Variants in MTA3 observed in about 807,000 individuals in gnomAD.
The protein encoded by MTA3 is metastasis-associated protein MTA3.
Under a neutral mutation model 83.5 loss-of-function variants are expected in MTA3, and 34 were observed. The observed-to-expected ratio is 0.41, with a 90% confidence interval of 0.31 to 0.54. MTA3 has a LOEUF of 0.54. Ranked by LOEUF, MTA3 falls within the 20% of genes least tolerant of loss-of-function variation. The pLI is 0.33. For synonymous variants in MTA3, 303 were observed against 252.7 expected (o/e 1.20, Z -1.89); for missense variants, 761 against 726.4 (o/e 1.05, Z -0.55).
chr2:42,563,296 G>A (rs1396136154), intron 2 of MTA3, among the ~76,000 whole-genome samples: 1 of 152,124 alleles, frequency 6.6e-6, no homozygotes, highest in Non-Finnish European at 1.5e-5. Flanking sequence ...AGCCTCCCAA[G>A]TAGCTGGGAT....
At chr2:42,512,115 GT>G (rs1473684913) in intron 2 of MTA3, among the ~76,000 whole-genome samples, 1 of 150,996 alleles carries the variant, frequency 6.6e-6, no homozygotes, top group Non-Finnish European at 1.5e-5. Flanking sequence ...GACTGGGAGG[GT>G]TTTTTTCTTT....
chr2:42,530,413 G>T (rs1290486095), intron 2 of MTA3, among the ~76,000 whole-genome samples: 1 of 152,014 alleles, frequency 6.6e-6, no homozygotes, highest in Non-Finnish European at 1.5e-5. Flanking sequence ...CGTGAACCCA[G>T]GAGGCGGAGC....
intron 9 of MTA3, among the ~76,000 whole-genome samples, chr2:42,686,456 G>C (rs990840946): frequency 2.6e-5 from 4 of 152,154 alleles, no homozygotes; most frequent in African/African-American, 9.6e-5. Context: ...GGAGTCCGAG[G>C]CAGGAGGATC....
chr2:42,583,495 A>T (rs962862978), intron 3 of MTA3, among the ~76,000 whole-genome samples: 5 of 152,098 alleles, frequency 3.3e-5, no homozygotes, highest in African/African-American at 1.2e-4. Context: ...AATTTTCCTG[A>T]ACTTTAGTTT....
At chr2:42,714,550 C>G (rs1449762396) in intron 14 of MTA3, among the ~76,000 whole-genome samples, 1 of 152,034 alleles carries the variant, frequency 6.6e-6, no homozygotes, top group Admixed American at 6.5e-5. Flanking sequence ...ATCTCACTGC[C>G]CCCAGTATTT....
chr2:42,578,476 G>C (rs1469126533), intron 2 of MTA3, among the ~76,000 whole-genome samples: 1 of 152,202 alleles, frequency 6.6e-6, no homozygotes, highest in Admixed American at 6.5e-5. Flanking sequence ...TTTTAGATGT[G>C]AAGGTAAACT....
intron 2 of MTA3, among the ~76,000 whole-genome samples, chr2:42,571,084 C>G (rs1678423994): frequency 6.6e-6 from 1 of 151,488 alleles, no homozygotes; most frequent in African/African-American, 2.4e-5. Flanking sequence ...ACTTTCAGTC[C>G]CAGACTCTTT....
chr2:42,590,620 T>C (rs947928716), intron 3 of MTA3, among the ~76,000 whole-genome samples: 3 of 57,694 alleles, frequency 5.2e-5, no homozygotes, highest in Non-Finnish European at 1.0e-4. Flanking sequence ...TTGCTTTTTT[T>C]TTTTTTTTTT....
chr2:42,697,783 T>A lies in MTA3; in HGVS notation c.974T>A (p.Leu325Gln). ...TTDRYVQQKR[L>Q]KAAEAESKLK... ...ATTCATCTTTTGAATTAGAAACGTC[T>A]AAAAGCAGCAGAAGCTGAGAGTAAA... is the stretch of plus-strand genomic sequence containing the variant. Residue 325 changes from leucine to glutamine, a missense_variant, in exon 11 of 17, where the codon CTA becomes CAA. Physicochemically the swap from Leu to Gln is moderately radical, Grantham distance 113. Transcript: ENST00000405094. 1 of 1,542,994 alleles carries A rather than the reference T, an allele frequency of 6.5e-7. No individual in the cohort carries two copies. The highest frequency in any genetic ancestry group is 8.7e-7 in the Non-Finnish European group (1 of 1,145,180).
chr2:42,568,842 C>T, intron 1 of MTA3, 69 bp downstream of exon 1: 2 of 1,204,936 alleles, frequency 1.7e-6, no homozygotes, highest in Admixed American at 4.4e-5. Flanking sequence ...GGGGCGAGTG[C>T]ACGCCAACTG....
chr2:42,626,344 C>T (rs932637205), intron 4 of MTA3, among the ~76,000 whole-genome samples: 2 of 151,708 alleles, frequency 1.3e-5, no homozygotes, highest in Non-Finnish European at 2.9e-5. Flanking sequence ...GTCACCCAGG[C>T]TGGAGTGCAG....
intron 3 of MTA3, among the ~76,000 whole-genome samples, chr2:42,604,722 A>T (rs1162788292): frequency 2.1e-5 from 3 of 141,170 alleles, no homozygotes; most frequent in Admixed American, 7.1e-5. Flanking sequence ...TAGGCAGAGG[A>T]CCCTGCGGCC....
At chr2:42,667,571 T>TAA (rs139519426) in intron 8 of MTA3, among the ~76,000 whole-genome samples, 1 of 2,730 alleles carries the variant, frequency 3.7e-4, no homozygotes, top group Non-Finnish European at 9.0e-4. Flanking sequence ...ATTTAAAAAT[T>TAA]GTGTGTGTGT....
chr2:42,551,835 C>A (rs1237962840), intron 2 of MTA3, among the ~76,000 whole-genome samples: 1 of 151,916 alleles, frequency 6.6e-6, no homozygotes, highest in African/African-American at 2.4e-5. Context: ...TGAAGCAATT[C>A]TCTGCCTCAG....
At chr2:42,607,091 TAGGGGTAG>T (rs1464937177) in intron 3 of MTA3, among the ~76,000 whole-genome samples, 1 of 135,814 alleles carries the variant, frequency 7.4e-6, no homozygotes, top group Non-Finnish European at 1.6e-5. Context: ...GGGGTAGGGG[TAGGGGTAG>T]AGGTAGAGGT....
At chr2:42,664,974 G>T (rs1366763689) in intron 8 of MTA3, among the ~76,000 whole-genome samples, 1 of 152,172 alleles carries the variant, frequency 6.6e-6, no homozygotes, top group Non-Finnish European at 1.5e-5. Flanking sequence ...ATATAGTTGA[G>T]CTGTGAATTT....
In MTA3 at chr2:42,756,045, G is replaced by A. The variant is rs1670216439; in HGVS notation, c.*2646G>A. On this transcript the variant is annotated 3_prime_UTR_variant, in exon 17 of 17. Transcript: ENST00000405094. ...CCAGGAAAATGGATTTCAAGTGGGGGTTTTCATCCAGAGATTTGTTTAACA... is the reference window on the plus strand; with the variant it reads ...CCAGGAAAATGGATTTCAAGTGGGGATTTTCATCCAGAGATTTGTTTAACA... 1 of 979,294 alleles carries A rather than the reference G, an allele frequency of 1.0e-6. No individual in the cohort carries two copies. The highest frequency in any genetic ancestry group is 6.2e-5 in the Admixed American group (1 of 16,256). The allele number at this position is 979,294 out of a possible 1,614,324, so 60.7% of individuals were successfully genotyped here.
At chr2:42,612,958 T>C (rs1351429329) in intron 4 of MTA3, among the ~76,000 whole-genome samples, 2 of 152,240 alleles carry the variant, frequency 1.3e-5, no homozygotes, top group Non-Finnish European at 2.9e-5. Context: ...TTTAAAAATG[T>C]ATCTAAAAGA....
intron 4 of MTA3, among the ~76,000 whole-genome samples, chr2:42,630,418 C>T (rs1686565096): frequency 6.6e-6 from 1 of 152,172 alleles, no homozygotes; most frequent in South Asian, 2.1e-4. Flanking sequence ...CACAGTCCCC[C>T]CAGGTCTTCA....
Sources: gnomAD v4.1 joint callset for allele counts (sites outside exome capture counted in the v4.1 genomes callset) on GRCh38, gnomAD v4.1.1 for gene constraint, MANE v1.5 for transcripts, NCBI Gene and HGNC (gene_info 2026-07-23, HGNC 2026-07-21) for gene names.